Variants in PKIA observed in about 807,000 individuals in gnomAD.
PKIA encodes the protein cAMP-dependent protein kinase inhibitor alpha, also known as PKI-alpha.
In PKIA, 4 loss-of-function variants were observed where a neutral mutation model predicts 7.6. The observed-to-expected ratio is 0.52, with a 90% confidence interval of 0.26 to 1.20. The LOEUF (loss-of-function observed/expected upper bound fraction) is 1.20. PKIA is among the 50% of genes most tolerant of loss of function. The pLI is 0.13. For synonymous variants in PKIA, 21 were observed against 30.7 expected (o/e 0.68, Z 1.04); for missense variants, 73 against 86.2 (o/e 0.85, Z 0.61).
At chr8:78,531,826 T>A (rs1806393531) in intron 1 of PKIA, among the ~76,000 whole-genome samples, 1 of 152,114 alleles carries the variant, frequency 6.6e-6, no homozygotes, top group Non-Finnish European at 1.5e-5. Context: ...GGCAAATTCC[T>A]GCTAGCTGGT....
At position 78,601,914 on chromosome 8, in the gene PKIA, A is replaced by T; in HGVS notation, c.*93A>T. ...TGTTTCCATGAGTGAAAAGAGGAAA[A>T]AGAAAATGGCTGTGCTGCATTGCAG... is the stretch of plus-strand genomic sequence containing the variant. On this transcript the variant is annotated 3_prime_UTR_variant, in exon 4 of 4. Transcript: ENST00000396418. The T allele has an allele frequency of 1.0e-6, 1 of 984,804 alleles. No homozygotes were observed. Among genetic ancestry groups the T allele is most frequent in the Non-Finnish European group, 1.6e-6 (1 of 634,242 alleles). 61.0% of individuals were successfully genotyped at this position (984,804 alleles called of 1,614,324 possible).
intron 1 of PKIA, among the ~76,000 whole-genome samples, chr8:78,555,850 C>T (rs972701625): frequency 3.3e-5 from 5 of 151,926 alleles, no homozygotes; most frequent in African/African-American, 9.7e-5. Context: ...CATTCTATTG[C>T]TATATTAAGT....
intron 2 of PKIA, among the ~76,000 whole-genome samples, chr8:78,581,898 C>T (rs1807818401): frequency 6.6e-6 from 1 of 152,036 alleles, no homozygotes; most frequent in African/African-American, 2.4e-5. Flanking sequence ...TTGTAGGAAG[C>T]GTTTGGGGTT....
intron 2 of PKIA, among the ~76,000 whole-genome samples, chr8:78,580,128 A>G (rs1222379230): frequency 2.0e-5 from 3 of 152,090 alleles, no homozygotes; most frequent in Admixed American, 6.6e-5. Context: ...ATTGTGCTAT[A>G]TAATTTTTTA....
chr8:78,526,712 C>G, intron 1 of PKIA, among the ~76,000 whole-genome samples: 1 of 151,366 alleles, frequency 6.6e-6, no homozygotes, highest in Non-Finnish European at 1.5e-5. Context: ...TATTCAGGGA[C>G]TTGTTTATTA....
intron 2 of PKIA, among the ~76,000 whole-genome samples, chr8:78,580,468 C>T (rs1190709152): frequency 6.6e-6 from 1 of 151,956 alleles, no homozygotes; most frequent in East Asian, 1.9e-4. Flanking sequence ...GCCTTTGTCA[C>T]CATGGGCAGG....
chr8:78,580,330 T>C (rs1374907577), intron 2 of PKIA, among the ~76,000 whole-genome samples: 1 of 152,098 alleles, frequency 6.6e-6, no homozygotes, highest in Non-Finnish European at 1.5e-5. Flanking sequence ...AAAGAACCAC[T>C]TCTAATATTC....
At chr8:78,576,469 T>C (rs1807675725) in intron 2 of PKIA, among the ~76,000 whole-genome samples, 1 of 152,064 alleles carries the variant, frequency 6.6e-6, no homozygotes, top group African/African-American at 2.4e-5. Flanking sequence ...TAAAAAGTTT[T>C]TAAATGTTGT....
At chr8:78,579,645 T>C (rs1807760235) in intron 2 of PKIA, among the ~76,000 whole-genome samples, 1 of 152,062 alleles carries the variant, frequency 6.6e-6, no homozygotes, top group East Asian at 1.9e-4. Context: ...TTTACACGTT[T>C]AGCAATGAGC....
At chr8:78,538,143 C>T (rs1187762499) in intron 1 of PKIA, among the ~76,000 whole-genome samples, 1 of 152,020 alleles carries the variant, frequency 6.6e-6, no homozygotes, top group African/African-American at 2.4e-5. Flanking sequence ...GCTCTTAACT[C>T]ACTCTTTATA....
intron 1 of PKIA, among the ~76,000 whole-genome samples, chr8:78,520,287 A>G (rs963089762): frequency 6.6e-6 from 1 of 152,204 alleles, no homozygotes; most frequent in Non-Finnish European, 1.5e-5. Flanking sequence ...TCAAATCATT[A>G]TAATCTACAA....
chr8:78,553,230 A>G (rs1281132235), intron 1 of PKIA, among the ~76,000 whole-genome samples: 1 of 151,968 alleles, frequency 6.6e-6, no homozygotes, highest in Non-Finnish European at 1.5e-5. Flanking sequence ...AATCTGGTGC[A>G]TGTGGGCTGT....
intron 1 of PKIA, among the ~76,000 whole-genome samples, chr8:78,569,521 G>A (rs1459362429): frequency 6.6e-6 from 1 of 152,008 alleles, no homozygotes; most frequent in East Asian, 1.9e-4. Context: ...CCAATATAGG[G>A]GAGCTTCCTT....
chr8:78,579,103 C>A (rs939401995), intron 2 of PKIA, among the ~76,000 whole-genome samples: 1 of 151,978 alleles, frequency 6.6e-6, no homozygotes, highest in African/African-American at 2.4e-5. Context: ...ATAAGAAACT[C>A]TTTCCACCTC....
At chr8:78,573,251 A>G (rs1807596263) in intron 2 of PKIA, among the ~76,000 whole-genome samples, 1 of 152,066 alleles carries the variant, frequency 6.6e-6, no homozygotes, top group Non-Finnish European at 1.5e-5. Flanking sequence ...TTCTTTTAAA[A>G]CAAATCATTT....
At chr8:78,585,213 A>G (rs1807920361) in intron 2 of PKIA, among the ~76,000 whole-genome samples, 1 of 151,946 alleles carries the variant, frequency 6.6e-6, no homozygotes, top group South Asian at 2.1e-4. Flanking sequence ...ATTGATTGAT[A>G]TATCCATTAT....
intron 1 of PKIA, among the ~76,000 whole-genome samples, chr8:78,567,544 C>G (rs952132563): frequency 6.6e-6 from 1 of 151,944 alleles, no homozygotes; most frequent in African/African-American, 2.4e-5. Context: ...GATGACTTAT[C>G]ACTGCTGATG....
intron 1 of PKIA, among the ~76,000 whole-genome samples, chr8:78,547,858 A>G (rs1390758258): frequency 1.3e-5 from 2 of 150,902 alleles, no homozygotes; most frequent in African/African-American, 4.9e-5. Context: ...CTAAAATGTG[A>G]TGAAAGATGA....
intron 1 of PKIA, among the ~76,000 whole-genome samples, chr8:78,530,854 A>G (rs1045495848): frequency 1.3e-5 from 2 of 152,072 alleles, no homozygotes; most frequent in Non-Finnish European, 2.9e-5. Flanking sequence ...ATTCTCTCCT[A>G]TAACTGCATT....
Sources: allele counts gnomAD v4.1 joint callset (sites outside exome capture counted in the v4.1 genomes callset), GRCh38; gene constraint gnomAD v4.1.1; transcripts MANE v1.5; gene names NCBI Gene and HGNC (gene_info 2026-07-23, HGNC 2026-07-21).